The following FAR2 variants were observed in gnomAD, a reference collection of about 807,000 sequenced individuals.
The protein encoded by FAR2 is fatty acyl-CoA reductase 2, also known as epididymis secretory protein Li 81.
FAR2 carries 19 observed loss-of-function variants against 56.0 expected under a neutral mutation model. The ratio of observed to expected loss-of-function variants is 0.34; its 90% confidence interval spans 0.24 to 0.50. The LOEUF (loss-of-function observed/expected upper bound fraction) is 0.50, where lower values mean the gene tolerates loss of function less well. FAR2 is among the 20% of genes least tolerant of loss of function. FAR2 has a pLI of 0.98. For missense variants in FAR2, 508 were observed against 642.2 expected (o/e 0.79, Z 2.26); for synonymous variants, 219 against 218.8 (o/e 1.00, Z -0.01).
chr12:29,313,349 T>C (rs1403216163), intron 8 of FAR2, among the ~76,000 whole-genome samples: 2 of 152,182 alleles, frequency 1.3e-5, no homozygotes, highest in African/African-American at 4.8e-5. Context: ...GAACCGGTGA[T>C]TCTTGAGACT....
chr12:29,253,312 T>G (rs1948259207), intron 1 of FAR2, among the ~76,000 whole-genome samples: 1 of 151,420 alleles, frequency 6.6e-6, no homozygotes, highest in Non-Finnish European at 1.5e-5. Flanking sequence ...GATATCTATA[T>G]ATCTATATCT....
intron 1 of FAR2, among the ~76,000 whole-genome samples, chr12:29,211,366 T>TCCTAG (rs1207330781): frequency 6.6e-6 from 1 of 152,212 alleles, no homozygotes; most frequent in Non-Finnish European, 1.5e-5. Flanking sequence ...GATAAGCTCC[T>TCCTAG]CCTAGCCTCT....
intron 1 of FAR2, among the ~76,000 whole-genome samples, chr12:29,152,185 A>G (rs1949686501): frequency 6.6e-6 from 1 of 152,224 alleles, no homozygotes; most frequent in African/African-American, 2.4e-5. Context: ...AATTCATCCA[A>G]ACGTCGAACG....
At chr12:29,149,961 C>T (rs1949668879) in intron 1 of FAR2, among the ~76,000 whole-genome samples, 1 of 152,204 alleles carries the variant, frequency 6.6e-6, no homozygotes, top group African/African-American at 2.4e-5. Context: ...CCCCAGGCTG[C>T]GCACGTCCCT....
chr12:29,160,579 C>T (rs1220109370), intron 1 of FAR2, among the ~76,000 whole-genome samples: 2 of 152,188 alleles, frequency 1.3e-5, no homozygotes, highest in Non-Finnish European at 2.9e-5. Flanking sequence ...GCTAGGGCTG[C>T]TGTAACAAAG....
chr12:29,154,413 TG>T (rs1482554381), intron 1 of FAR2, among the ~76,000 whole-genome samples: 4 of 147,828 alleles, frequency 2.7e-5, no homozygotes, highest in African/African-American at 5.2e-5. Context: ...GTTTTGTTTT[TG>T]TTTTTTTTTT....
intron 1 of FAR2, among the ~76,000 whole-genome samples, chr12:29,213,191 T>G (rs866538316): frequency 9.2e-5 from 14 of 151,944 alleles, no homozygotes; most frequent in African/African-American, 3.4e-4. Flanking sequence ...GTGACAAAGT[T>G]CAGCTCCCTT....
At chr12:29,221,654 G>A (rs1028308452) in intron 1 of FAR2, among the ~76,000 whole-genome samples, 19 of 152,050 alleles carry the variant, frequency 1.2e-4, no homozygotes, top group African/African-American at 4.3e-4. Flanking sequence ...CTATCTCAAA[G>A]CCAGTTTTCT....
chr12:29,262,009 AAC>A (rs1261257510), intron 1 of FAR2, among the ~76,000 whole-genome samples: 1 of 152,238 alleles, frequency 6.6e-6, no homozygotes, highest in Non-Finnish European at 1.5e-5. Context: ...TAAGTACACA[AAC>A]ACAGAATATT....
intron 1 of FAR2, among the ~76,000 whole-genome samples, chr12:29,244,487 A>AT (rs1948092718): frequency 6.6e-6 from 1 of 152,226 alleles, no homozygotes; most frequent in African/African-American, 2.4e-5. Flanking sequence ...AGCTTCTTGC[A>AT]TTTTGTGTAG....
chr12:29,234,352 A>G (rs1947903406), intron 1 of FAR2, among the ~76,000 whole-genome samples: 1 of 152,114 alleles, frequency 6.6e-6, no homozygotes, highest in African/African-American at 2.4e-5. Flanking sequence ...CTGTGTACTT[A>G]TCTTAAGCAG....
chr12:29,237,449 C>T (rs1947958982), intron 1 of FAR2, among the ~76,000 whole-genome samples: 1 of 152,092 alleles, frequency 6.6e-6, no homozygotes, highest in Non-Finnish European at 1.5e-5. Context: ...CTTAAGATGT[C>T]CTTGAAGGAG....
intron 1 of FAR2, among the ~76,000 whole-genome samples, chr12:29,175,316 G>T (rs906744422): frequency 1.3e-5 from 2 of 152,164 alleles, no homozygotes; most frequent in African/African-American, 4.8e-5. Flanking sequence ...GCTCTTAAAG[G>T]TGGTGGGTCT....
chr12:29,291,340 C>G, intron 2 of FAR2: 1 of 455,226 alleles, frequency 2.2e-6, no homozygotes, highest in Non-Finnish European at 4.4e-6. Context: ...ACACACAAAA[C>G]TACTGAGCCA....
intron 1 of FAR2, among the ~76,000 whole-genome samples, chr12:29,164,635 A>T (rs1337321454): frequency 6.6e-6 from 1 of 152,160 alleles, no homozygotes; most frequent in Non-Finnish European, 1.5e-5. Flanking sequence ...AAGAGGGAAG[A>T]ACGGAGGGGA....
intron 1 of FAR2, among the ~76,000 whole-genome samples, chr12:29,180,309 A>G (rs576261034): frequency 1.8e-4 from 27 of 152,328 alleles, no homozygotes; most frequent in African/African-American, 6.3e-4. Flanking sequence ...GCAGAGTAGT[A>G]ATGACTCAAT....
At chr12:29,323,373 CCT>C (rs1272096080) in intron 10 of FAR2, among the ~76,000 whole-genome samples, 1 of 152,192 alleles carries the variant, frequency 6.6e-6, no homozygotes, top group Non-Finnish European at 1.5e-5. Flanking sequence ...CTTAAATGTC[CCT>C]GTCTGACAGC....
At chr12:29,171,132 G>A (rs969259396) in intron 1 of FAR2, among the ~76,000 whole-genome samples, 1 of 152,248 alleles carries the variant, frequency 6.6e-6, no homozygotes, top group African/African-American at 2.4e-5. Context: ...GAGGACAGCT[G>A]TCCAGGACAG....
intron 10 of FAR2, among the ~76,000 whole-genome samples, chr12:29,329,950 G>A (rs1021918895): frequency 6.6e-6 from 1 of 152,058 alleles, no homozygotes; most frequent in Non-Finnish European, 1.5e-5. Flanking sequence ...ATTTGTTCTT[G>A]AGCTTTCTGG....
Sources: gnomAD v4.1 joint callset for allele counts (sites outside exome capture counted in the v4.1 genomes callset) on GRCh38, gnomAD v4.1.1 for gene constraint, MANE v1.5 for transcripts, NCBI Gene and HGNC (gene_info 2026-07-23, HGNC 2026-07-21) for gene names.